The following CAPN2 variants were observed in gnomAD, a reference collection of about 807,000 sequenced individuals.
CAPN2 encodes calpain 2, also known as calpain-2 catalytic subunit.
In CAPN2, 92 loss-of-function variants were observed where a neutral mutation model predicts 102.3. The observed-to-expected ratio is 0.90, with a 90% CI of 0.76 to 1.07. The LOEUF is 1.07. Ranked by LOEUF, CAPN2 falls within the 50% of genes least tolerant of loss-of-function variation. The pLI is 0.00. For missense variants in CAPN2, 800 were observed against 909.4 expected (o/e 0.88, Z 1.55); for synonymous variants, 340 against 355.4 (o/e 0.96, Z 0.49).
intron 16 of CAPN2, among the ~76,000 whole-genome samples, chr1:223,766,746 G>A (rs1661343982): frequency 6.6e-6 from 1 of 152,184 alleles, no homozygotes; most frequent in South Asian, 2.1e-4. Flanking sequence ...TGACTCACGA[G>A]GTCAGGAGTT....
chr1:223,775,031 C>T lies in CAPN2; in HGVS notation c.*174C>T, dbSNP rs999258927. On this transcript the variant is annotated 3_prime_UTR_variant, in exon 21 of 21. Transcript: ENST00000295006. ...AATTTGAGATAGCAGAAGTTTCACA[C>T]ATCAAAGTAAAAGATTTGCATATCA... The T allele has an allele frequency of 9.6e-6, 6 of 627,660 alleles. No homozygotes were observed. In the African/African-American group the frequency reaches 1.1e-4, roughly 12 times the overall value. 38.9% of individuals were successfully genotyped at this position (627,660 alleles called of 1,614,324 possible). A position where few individuals can be genotyped will look rare whatever the true frequency, so the allele number is the denominator to read the frequency against.
At chr1:223,710,704 G>A (rs540377313), upstream of CAPN2, among the ~76,000 whole-genome samples, 14 of 152,138 alleles carry the variant, frequency 9.2e-5, no homozygotes, top group Admixed American at 5.9e-4. Flanking sequence ...ACCTCTTATC[G>A]CAACCCAAAC....
intron 10 of CAPN2, 66 bp from the exon 11 acceptor site, chr1:223,757,303 A>G: frequency 6.4e-7 from 1 of 1,559,620 alleles, no homozygotes; most frequent in Non-Finnish European, 8.8e-7. Flanking sequence ...GGAAGAGAAG[A>G]GCACAGTGAT....
In CAPN2 at chr1:223,731,547, A is replaced by G. The variant is rs1165768720; in HGVS notation, c.308-12553A>G. Among the ~76,000 whole-genome samples, 4 of 152,064 alleles carry G rather than the reference A, an allele frequency of 2.6e-5. No individual in the cohort carries two copies. The highest frequency in any genetic ancestry group is 5.9e-5 in the Non-Finnish European group (4 of 68,012). On this transcript the variant is annotated intron_variant, in intron 2 of 20. Coordinates refer to ENST00000295006, the MANE Select transcript of CAPN2 (RefSeq NM_001748.5). This position sits in a 1 kb window ranked among gnomAD's most constrained non-coding sequence, Gnocchi z 4.2. ...CCTCATGCTCACCACCATCATCCACAACCAGTTTCCACGTCTGTCTCCTGC... is the reference window on the plus strand; with the variant it reads ...CCTCATGCTCACCACCATCATCCACGACCAGTTTCCACGTCTGTCTCCTGC...
intron 2 of CAPN2, among the ~76,000 whole-genome samples, chr1:223,733,951 G>T (rs1660389301): frequency 1.3e-5 from 2 of 152,218 alleles, no homozygotes; most frequent in African/African-American, 4.8e-5. Context: ...GGGGTGCAGG[G>T]AGAGAAACGG....
chr1:223,768,887 T>G (rs2102816063), intron 16 of CAPN2, among the ~76,000 whole-genome samples: 1 of 152,224 alleles, frequency 6.6e-6, no homozygotes, highest in South Asian at 2.1e-4. Flanking sequence ...TAGTTCTCCT[T>G]GAAGAGGTCC....
rs148383749 is a variant in CAPN2, at chr1:223,723,838, A to G, written c.307+6007A>G. On this transcript the variant is annotated intron_variant, in intron 2 of 20. Transcript: ENST00000295006. ...TCCCTGCCCCCTCTCCAGGAATAGG[A>G]GCAGTGGGACCCCCTTCAAGAATCC... Among the ~76,000 whole-genome samples the G allele has an allele frequency of 2.0e-5, 3 of 151,668 alleles. 1 individual carries two copies. The highest frequency in any genetic ancestry group is 1.9e-4 in the East Asian group (1 of 5,138).
At chr1:223,760,468 C>T (rs975971786) in intron 12 of CAPN2, among the ~76,000 whole-genome samples, 2 of 152,188 alleles carry the variant, frequency 1.3e-5, no homozygotes, top group African/African-American at 4.8e-5. Flanking sequence ...CAGCTGCATA[C>T]CAATGAATGC....
chr1:223,725,009 G>T lies in CAPN2; in HGVS notation c.307+7178G>T, dbSNP rs1660151811. On this transcript the variant is annotated intron_variant, in intron 2 of 20. Transcript: ENST00000295006. The surrounding 1 kb of genome is among the most constrained non-coding windows in gnomAD (Gnocchi z 4.1). ...GCTAAACCTACATCAATAAACATCT[G>T]TAAATATCAGGGTAGCGAATGAGGA... Among the ~76,000 whole-genome samples the T allele has an allele frequency of 6.6e-6, 1 of 152,162 alleles. No homozygotes were observed. The highest frequency in any genetic ancestry group is 1.5e-5 in the Non-Finnish European group (1 of 68,032).
At position 223,751,642 on chromosome 1, in the gene CAPN2, TC is replaced by T. The variant is rs28370076; in HGVS notation, c.900-354del. 6.4e-3 allele frequency among the ~76,000 whole-genome samples: 914 copies of T among 143,880 alleles called. 13 individuals carry two copies. Among genetic ancestry groups the T allele is most frequent in the African/African-American group, 0.025 (878 of 34,832 alleles). 94.4% of individuals were successfully genotyped at this position (143,880 alleles called of 152,430 possible). On this transcript the variant is annotated intron_variant, in intron 7 of 20. Transcript: ENST00000295006. The stretch of plus-strand genomic sequence containing the variant: ...CCTCAGCCGGAGGCTCCTCATCAGA[TC>T]TTCAGTTGTCTCTAAAAGAGCTGCC...
At chr1:223,758,627 C>T (rs1661098732) in intron 11 of CAPN2, 1 of 153,350 alleles carries the variant, frequency 6.5e-6, no homozygotes, top group Non-Finnish European at 1.4e-5. Flanking sequence ...GATGTGAAAC[C>T]CCTGTGGGCA....
At chr1:223,715,842 A>C (rs903272438) in intron 1 of CAPN2, among the ~76,000 whole-genome samples, 1 of 152,174 alleles carries the variant, frequency 6.6e-6, no homozygotes, top group Non-Finnish European at 1.5e-5. Flanking sequence ...AAGTTCAGTG[A>C]CTGTTATCAT....
At chr1:223,718,002 GC>G (rs1659926426) in intron 2 of CAPN2, among the ~76,000 whole-genome samples, 171 bp downstream of exon 2, 1 of 152,230 alleles carries the variant, frequency 6.6e-6, no homozygotes, top group Non-Finnish European at 1.5e-5. Flanking sequence ...TCTACCCTCA[GC>G]CCCATGCTGG....
intron 16 of CAPN2, among the ~76,000 whole-genome samples, chr1:223,767,754 G>A (rs1284543567): frequency 6.7e-6 from 1 of 149,452 alleles, no homozygotes; most frequent in African/African-American, 2.4e-5. Flanking sequence ...AGATCCCTGA[G>A]GAATCGCCAC....
chr1:223,714,440 T>C (rs972740674), intron 1 of CAPN2, among the ~76,000 whole-genome samples: 1 of 152,206 alleles, frequency 6.6e-6, no homozygotes, highest in South Asian at 2.1e-4. Context: ...TTGTAGAATA[T>C]GGATGCAGGA....
At chr1:223,764,298 G>GCTGTGACTAAACCACCACCCTCCATCCC in intron 15 of CAPN2, 91 bp downstream of exon 15, 1 of 1,116,800 alleles carries the variant, frequency 9.0e-7, no homozygotes, top group Admixed American at 1.7e-5. Flanking sequence ...ATGTCTGGCT[G>GCTGTGACTAAACCACCACCCTCCATCCC]CTGTGACTAA....
At chr1:223,749,211 G>A (rs1340776635) in intron 6 of CAPN2, 89 bp downstream of exon 6, 14 of 1,184,912 alleles carry the variant, frequency 1.2e-5, no homozygotes, top group African/African-American at 3.0e-5. Flanking sequence ...GGGCCCGCGC[G>A]GCCCCACGGT....
upstream of CAPN2, among the ~76,000 whole-genome samples, chr1:223,710,311 C>A (rs531882008): frequency 3.9e-5 from 6 of 152,168 alleles, no homozygotes; most frequent in South Asian, 4.2e-4. Context: ...ACAACAACAA[C>A]AAAAACAATG....
intron 11 of CAPN2, chr1:223,758,504 T>C (rs1661095659): frequency 6.6e-6 from 1 of 152,342 alleles, no homozygotes; most frequent in African/African-American, 2.4e-5. Context: ...ATACACCACG[T>C]AGAACCGAGC....
Sources: allele counts gnomAD v4.1 joint callset (sites outside exome capture counted in the v4.1 genomes callset), GRCh38; gene constraint gnomAD v4.1.1; non-coding constraint Gnocchi (gnomAD v3.1); transcripts MANE v1.5; gene names NCBI Gene and HGNC (gene_info 2026-07-23, HGNC 2026-07-21).